ATG7: variants seen among roughly 807,000 people sequenced by gnomAD.
ATG7 encodes the protein autophagy related 7, also known as ubiquitin-like modifier-activating enzyme ATG7.
In ATG7, 70 loss-of-function variants were observed where a neutral mutation model predicts 82.4. The observed-to-expected ratio is 0.85, with a 90% CI of 0.70 to 1.04. ATG7 has a LOEUF of 1.04. Among genes scored for constraint, ATG7 ranks in the 50% least tolerant of loss-of-function variants. ATG7 has a pLI of 0.00. For synonymous variants in ATG7, 287 were observed against 313.0 expected (o/e 0.92, Z 0.88); for missense variants, 792 against 864.3 (o/e 0.92, Z 1.05).
chr3:11,493,372 G>A (rs76988957), intron 20 of ATG7, among the ~76,000 whole-genome samples: 7 of 152,236 alleles, frequency 4.6e-5, no homozygotes, highest in South Asian at 4.1e-4. Context: ...GACACAGGAT[G>A]GGGGGACAGG....
In ATG7 at chr3:11,362,946, A is replaced by C; in HGVS notation, c.1799+18A>C. The C allele has an allele frequency of 6.2e-7, 1 of 1,606,452 alleles. No homozygotes were observed. Among genetic ancestry groups the C allele is most frequent in the South Asian group, 1.1e-5 (1 of 90,124 alleles). Reference sequence around the variant, plus strand: ...CCAGAAGGGTGAGTTTGCTAGTAGGAGATGAGTATTTAAACAAAGCTTTTG... The same window carrying C: ...CCAGAAGGGTGAGTTTGCTAGTAGGCGATGAGTATTTAAACAAAGCTTTTG... On this transcript the variant is annotated intron_variant, in intron 17 of 20. Coordinates refer to ENST00000693202, the MANE Select transcript of ATG7 (RefSeq NM_001349232.2).
intron 20 of ATG7, among the ~76,000 whole-genome samples, chr3:11,495,104 T>C (rs974659308): frequency 6.6e-6 from 1 of 151,604 alleles, no homozygotes; most frequent in African/African-American, 2.4e-5. Context: ...TGAACAGATG[T>C]TCTCTAAGGC....
At chr3:11,447,333 G>T (rs2084663316) in intron 20 of ATG7, among the ~76,000 whole-genome samples, 1 of 152,082 alleles carries the variant, frequency 6.6e-6, no homozygotes, top group African/African-American at 2.4e-5. Context: ...CTGGTGTGGT[G>T]GCAGGCATCT....
intron 18 of ATG7, among the ~76,000 whole-genome samples, chr3:11,367,399 G>C (rs4684067): frequency 0.19 from 28,560 of 152,110 alleles, 3,241 homozygotes; most frequent in South Asian, 0.35. Context: ...TTCCCAAGAG[G>C]AGAAGTTTTA....
At chr3:11,322,837 G>A (rs748492373) in intron 9 of ATG7, among the ~76,000 whole-genome samples, 3 of 152,154 alleles carry the variant, frequency 2.0e-5, no homozygotes, top group Non-Finnish European at 4.4e-5. Context: ...GGTGGCTCAC[G>A]CCTGTAATCC....
intron 14 of ATG7, among the ~76,000 whole-genome samples, chr3:11,356,413 A>G (rs1369965248): frequency 6.6e-6 from 1 of 152,232 alleles, no homozygotes; most frequent in Non-Finnish European, 1.5e-5. Context: ...AAGCCTGGCC[A>G]TTAAACTCTC....
intron 19 of ATG7, among the ~76,000 whole-genome samples, chr3:11,426,253 T>A (rs569682579): frequency 2.8e-4 from 42 of 152,368 alleles, no homozygotes; most frequent in African/African-American, 9.9e-4. Flanking sequence ...AGTGTTTCAT[T>A]GTGGTTTCAG....
intron 20 of ATG7, among the ~76,000 whole-genome samples, chr3:11,515,004 C>G (rs1216079585): frequency 6.6e-6 from 1 of 151,832 alleles, no homozygotes; most frequent in Non-Finnish European, 1.5e-5. Flanking sequence ...CCACACCCAG[C>G]TAAATTTTGT....
chr3:11,342,499 C>T (rs1479998483), intron 13 of ATG7, among the ~76,000 whole-genome samples: 1 of 152,074 alleles, frequency 6.6e-6, no homozygotes, highest in African/African-American at 2.4e-5. Flanking sequence ...GTCCCATTTC[C>T]TATTAAGCAG....
At chr3:11,308,908 GC>G in intron 6 of ATG7, 75 bp from the exon 7 acceptor site, 2 of 1,362,804 alleles carry the variant, frequency 1.5e-6, no homozygotes, top group Non-Finnish European at 2.1e-6. Context: ...GTGCTTTTCA[GC>G]TCCACACTTC....
chr3:11,506,574 A>C (rs1559769571), intron 20 of ATG7, among the ~76,000 whole-genome samples: 8 of 116,218 alleles, frequency 6.9e-5, no homozygotes, highest in Non-Finnish European at 1.2e-4. Flanking sequence ...AAAAAAAAAA[A>C]AAAAAAAAAA....
chr3:11,315,212 A>G, intron 8 of ATG7, 132 bp from the exon 9 acceptor site: 1 of 785,816 alleles, frequency 1.3e-6, no homozygotes, highest in Non-Finnish European at 1.8e-6. Context: ...CACTTGCTGT[A>G]ATAGAGTAAG....
chr3:11,554,986 C>G lies in ATG7; in HGVS notation c.*143C>G. The stretch of plus-strand genomic sequence containing the variant: ...GGTCTGGGATTCCCCCCTCTGCTGC[C>G]CAGGAGTGGCCAGTGTTCGGCGTTG... On this transcript the variant is annotated 3_prime_UTR_variant, in exon 21 of 21. Coordinates refer to ENST00000693202, the MANE Select transcript of ATG7 (RefSeq NM_001349232.2). 2 of 1,008,182 alleles carry G rather than the reference C, an allele frequency of 2.0e-6. No homozygotes were observed. The highest frequency in any genetic ancestry group is 2.8e-6 in the Non-Finnish European group (2 of 707,986). 62.5% of individuals were successfully genotyped at this position (1,008,182 alleles called of 1,614,324 possible).
At chr3:11,465,568 C>A (rs1235907162) in intron 20 of ATG7, among the ~76,000 whole-genome samples, 1 of 151,668 alleles carries the variant, frequency 6.6e-6, no homozygotes, top group East Asian at 1.9e-4. Context: ...GTGAGTGAAA[C>A]CCCATGTCTA....
rs200595343 is a variant in ATG7 at position 11,357,520 on chromosome 3, G to GT, written c.1285-892dup. ...TTTTGGCTCTAAGTTAGCAAGTAGA[G>GT]TTTTTTGTATTTGAGGTTTTTTAAA... On this transcript the variant is annotated intron_variant, in intron 14 of 20. Transcript: ENST00000693202. Among the ~76,000 whole-genome samples the GT allele has an allele frequency of 2.6e-5, 4 of 152,150 alleles. No homozygotes were observed. The East Asian group carries it at 7.7e-4, about 29-fold the overall frequency.
At chr3:11,400,831 A>T (rs1226075815) in intron 19 of ATG7, among the ~76,000 whole-genome samples, 1 of 143,684 alleles carries the variant, frequency 7.0e-6, no homozygotes, top group Admixed American at 7.6e-5. Context: ...ATACATTACA[A>T]ACGTCACTCA....
At chr3:11,561,162 G>A (rs921686234), downstream of ATG7, among the ~76,000 whole-genome samples, 1 of 152,094 alleles carries the variant, frequency 6.6e-6, no homozygotes, top group Non-Finnish European at 1.5e-5. Flanking sequence ...ACTCCCTTTT[G>A]TGCTCAGCCG....
chr3:11,416,372 T>G (rs943324043), intron 19 of ATG7, among the ~76,000 whole-genome samples: 2 of 152,204 alleles, frequency 1.3e-5, no homozygotes, highest in African/African-American at 4.8e-5. Context: ...AATTATTGAT[T>G]CAATTTATTT....
At chr3:11,342,039 AT>A in intron 12 of ATG7, 95 bp from the exon 13 acceptor site, 1 of 1,357,190 alleles carries the variant, frequency 7.4e-7, no homozygotes, top group Non-Finnish European at 9.8e-7. Context: ...CAATTTCCTT[AT>A]TATTTCTTAT....
Sources: allele counts gnomAD v4.1 joint callset (sites outside exome capture counted in the v4.1 genomes callset), GRCh38; gene constraint gnomAD v4.1.1; transcripts MANE v1.5; gene names NCBI Gene and HGNC (gene_info 2026-07-23, HGNC 2026-07-21).